The following RAD51C variants were observed in gnomAD, a reference collection of about 807,000 sequenced individuals.
The protein encoded by RAD51C is RAD51 paralog C.
Under a neutral mutation model 45.0 loss-of-function variants are expected in RAD51C, and 42 were observed. The ratio of observed to expected loss-of-function variants is 0.93; its 90% CI spans 0.73 to 1.21. The LOEUF is 1.21. RAD51C is among the 50% of genes most tolerant of loss of function. The probability of loss-of-function intolerance (pLI) is 0.00; values close to 1 mark genes in which losing one functional copy is unlikely to be tolerated. For synonymous variants in RAD51C, 172 were observed against 159.8 expected, an observed-to-expected ratio of 1.08 and a Z score of -0.58; for missense variants, 474 against 452.2, an observed-to-expected ratio of 1.05 and a Z score of -0.44.
intron 5 of RAD51C, among the ~76,000 whole-genome samples, chr17:58,719,886 G>C (rs1006487256): frequency 4.2e-4 from 63 of 151,030 alleles, no homozygotes; most frequent in African/African-American, 1.4e-3. Flanking sequence ...CCGCCACCAC[G>C]CCCAGCTGAT....
chr17:58,717,833 G>A (rs1181378606), intron 5 of RAD51C, among the ~76,000 whole-genome samples: 1 of 152,206 alleles, frequency 6.6e-6, no homozygotes, highest in Non-Finnish European at 1.5e-5. Flanking sequence ...AGAATGCCCT[G>A]TGGCATGTAA....
intron 5 of RAD51C, among the ~76,000 whole-genome samples, chr17:58,714,767 CTT>C (rs2048674794): frequency 6.6e-6 from 1 of 152,068 alleles, no homozygotes; most frequent in Non-Finnish European, 1.5e-5. Flanking sequence ...AGGTACCAGT[CTT>C]TTAAATCTTT....
chr17:58,701,716 A>G (rs529030932), intron 3 of RAD51C, among the ~76,000 whole-genome samples: 145 of 151,462 alleles, frequency 9.6e-4, no homozygotes, highest in Non-Finnish European at 1.8e-3. Context: ...GATTACAGGC[A>G]TGCACCACCA....
chr17:58,692,924 A>G (rs2047832635), intron 1 of RAD51C, 136 bp downstream of exon 1: 1 of 1,313,616 alleles, frequency 7.6e-7, no homozygotes, highest in African/African-American at 1.5e-5. Context: ...ACAGCGTGAA[A>G]GAGCTCCTCG....
intron 2 of RAD51C, among the ~76,000 whole-genome samples, chr17:58,695,789 G>A (rs1400912679): frequency 6.0e-5 from 9 of 150,732 alleles, no homozygotes; most frequent in African/African-American, 1.2e-4. Flanking sequence ...AAAAGAGGCC[G>A]GGGATGGTGG....
intron 3 of RAD51C, 87 bp from the exon 4 acceptor site, chr17:58,703,109 C>T (rs908861178): frequency 1.4e-6 from 2 of 1,434,978 alleles, no homozygotes; most frequent in East Asian, 2.3e-5. Context: ...CAAAGGAGAA[C>T]ATTTTGTTAT....
intron 3 of RAD51C, among the ~76,000 whole-genome samples, chr17:58,699,076 A>G (rs1344406058): frequency 6.6e-6 from 1 of 151,564 alleles, no homozygotes; most frequent in Non-Finnish European, 1.5e-5. Context: ...GCATGATCTC[A>G]GCTCACTGCA....
rs1060502604 is a variant in RAD51C, at chr17:58,696,838, G to A, written c.550G>A (p.Ala184Thr). The A allele has an allele frequency of 5.6e-6, 9 of 1,614,178 alleles. No homozygotes were observed. Among genetic ancestry groups the A allele is most frequent in the Non-Finnish European group, 7.6e-6 (9 of 1,180,018 alleles). Residue 184 changes from alanine (A) to threonine (T), a missense_variant, in exon 3 of 9, where the codon GCA (alanine) becomes ACA (threonine). Coordinates refer to ENST00000337432, the MANE Select transcript of RAD51C (RefSeq NM_058216.3). ...CTGCATTCAGCACCTTCAGCTTATAGCAGAAAAACACAAGGGAGAGGGTAA... is the reference window on the plus strand; with the variant it reads ...CTGCATTCAGCACCTTCAGCTTATAACAGAAAAACACAAGGGAGAGGGTAA... Reference protein sequence around the residue: ...TACIQHLQLIAEKHKGEEHRK... With the variant: ...TACIQHLQLITEKHKGEEHRK...
At chr17:58,696,548 A>T in intron 2 of RAD51C, 145 bp from the exon 3 acceptor site, 1 of 916,676 alleles carries the variant, frequency 1.1e-6, no homozygotes, top group Non-Finnish European at 1.7e-6. Context: ...TGGAGTCATG[A>T]AGAGTTAGAC....
intron 5 of RAD51C, among the ~76,000 whole-genome samples, chr17:58,719,996 T>A (rs148119182): frequency 0.04 from 5,992 of 151,368 alleles, 230 homozygotes; most frequent in African/African-American, 0.098. Context: ...CAGGATGGTC[T>A]CGATCTCCTG....
At chr17:58,728,813 T>G (rs1368694923) in intron 7 of RAD51C, among the ~76,000 whole-genome samples, 1 of 152,198 alleles carries the variant, frequency 6.6e-6, no homozygotes, top group African/African-American at 2.4e-5. Context: ...CTTAGACTAA[T>G]GATGGAATAA....
intron 5 of RAD51C, among the ~76,000 whole-genome samples, chr17:58,710,317 TAAAAAAAAAAAAAAA>T (rs71143280): frequency 1.5e-5 from 1 of 67,416 alleles, no homozygotes; most frequent in Non-Finnish European, 2.7e-5. Flanking sequence ...CTGTCTCTAC[TAAAAAAAAAAAAAAA>T]AAAAAAAAAC....
intron 7 of RAD51C, among the ~76,000 whole-genome samples, chr17:58,724,828 TG>T (rs1289645138): frequency 6.6e-6 from 1 of 152,178 alleles, no homozygotes; most frequent in Non-Finnish European, 1.5e-5. Flanking sequence ...CTAGAGGTCT[TG>T]GTTTGGAAAT....
At chr17:58,730,680 C>G (rs1208269089) in intron 7 of RAD51C, among the ~76,000 whole-genome samples, 2 of 151,998 alleles carry the variant, frequency 1.3e-5, no homozygotes, top group African/African-American at 4.8e-5. Flanking sequence ...TCTTTGAAAA[C>G]AAATCATTCT....
chr17:58,693,799 C>T (rs1356237104), intron 1 of RAD51C: 1 of 152,146 alleles, frequency 6.6e-6, no homozygotes, highest in African/African-American at 2.4e-5. Flanking sequence ...AGTAACTTGC[C>T]CAAAGTCATG....
chr17:58,694,606 G>C (rs1398640909), intron 1 of RAD51C: 6 of 352,132 alleles, frequency 1.7e-5, no homozygotes, highest in Non-Finnish European at 3.3e-5. Context: ...CTCCCAAGTA[G>C]CTGGAATTAT....
chr17:58,727,937 A>T (rs76640192), intron 7 of RAD51C, among the ~76,000 whole-genome samples: 14 of 134,548 alleles, frequency 1.0e-4, no homozygotes, highest in African/African-American at 3.7e-4. Context: ...CTAAGATATT[A>T]AAAAAAAAAA....
chr17:58,692,596 GA>G, upstream of RAD51C: 1 of 1,610,540 alleles, frequency 6.2e-7, no homozygotes. Context: ...ACGCCCCAGC[GA>G]GGGCGTGCGG....
chr17:58,719,682 A>G (rs965352408), intron 5 of RAD51C, among the ~76,000 whole-genome samples: 1 of 151,936 alleles, frequency 6.6e-6, no homozygotes, highest in Non-Finnish European at 1.5e-5. Flanking sequence ...TATGATCAGT[A>G]GAATCATATT....
Sources: allele counts gnomAD v4.1 joint callset (sites outside exome capture counted in the v4.1 genomes callset), GRCh38; gene constraint gnomAD v4.1.1; transcripts MANE v1.5; gene names NCBI Gene and HGNC (gene_info 2026-07-23, HGNC 2026-07-21).